NXPE2: variants seen among roughly 807,000 people sequenced by gnomAD.
The protein encoded by NXPE2 is NXPE family member 2.
In NXPE2, 34 loss-of-function variants were observed where a neutral mutation model predicts 34.4. The observed-to-expected ratio is 0.99, with a 90% confidence interval of 0.75 to 1.31. The LOEUF (loss-of-function observed/expected upper bound fraction) is 1.31. Ranked by LOEUF, NXPE2 falls within the 40% of genes most tolerant of loss-of-function variation. The probability of loss-of-function intolerance (pLI) is 0.00; values close to 1 mark genes in which losing one functional copy is unlikely to be tolerated. For missense variants in NXPE2, 649 were observed against 672.5 expected (o/e 0.97, Z 0.39); for synonymous variants, 235 against 231.3 (o/e 1.02, Z -0.15).
the NXPE2 span, among the ~76,000 whole-genome samples, chr11:114,786,858 A>G: frequency 4.6e-5 from 7 of 152,104 alleles, no homozygotes; most frequent in African/African-American, 1.7e-4. Context: ...ACAGTACCGT[A>G]CAGTGGTGCA....
chr11:114,691,730 G>A (rs1032915566), intron 2 of NXPE2, among the ~76,000 whole-genome samples: 7 of 152,194 alleles, frequency 4.6e-5, no homozygotes, highest in African/African-American at 1.4e-4. Flanking sequence ...AGTAGTTGGT[G>A]CCATGCTTGC....
the NXPE2 span, among the ~76,000 whole-genome samples, chr11:114,618,009 C>T: frequency 3.3e-5 from 5 of 151,866 alleles, no homozygotes; most frequent in African/African-American, 1.2e-4. Flanking sequence ...ACCAGTGTTA[C>T]CCGCTGGATA....
chr11:114,633,188 TTTA>T, the NXPE2 span, among the ~76,000 whole-genome samples: 8 of 129,592 alleles, frequency 6.2e-5, no homozygotes, highest in East Asian at 6.6e-4. Context: ...ATGATTATAT[TTTA>T]TTATGTATAA....
At chr11:114,551,129 A>G in the NXPE2 span, 1 of 1,531,096 alleles carries the variant, frequency 6.5e-7, no homozygotes, top group South Asian at 1.2e-5. Flanking sequence ...GAAATTATAA[A>G]AATCATCCAG....
the NXPE2 span, among the ~76,000 whole-genome samples, chr11:114,640,205 T>C: frequency 1.5e-5 from 2 of 137,838 alleles, no homozygotes; most frequent in African/African-American, 5.3e-5. Flanking sequence ...ATATATATTA[T>C]ATTTTAAAAT....
the NXPE2 span, among the ~76,000 whole-genome samples, chr11:114,490,917 C>T: frequency 6.6e-6 from 1 of 151,288 alleles, no homozygotes; most frequent in African/African-American, 2.4e-5. Context: ...AATCCCAGCA[C>T]TTTGGGAGGC....
chr11:114,521,766 T>C, the NXPE2 span: 1 of 502,544 alleles, frequency 2.0e-6, no homozygotes, highest in Middle Eastern at 5.1e-4. Context: ...GAACCAGGCA[T>C]GGTATAGTCA....
At chr11:114,717,264 A>G in the NXPE2 span, among the ~76,000 whole-genome samples, 3 of 152,146 alleles carry the variant, frequency 2.0e-5, no homozygotes, top group African/African-American at 7.2e-5. Flanking sequence ...GTGCAGATGA[A>G]CAGTGGTGTG....
chr11:114,799,849 C>T, the NXPE2 span, among the ~76,000 whole-genome samples: 1 of 151,542 alleles, frequency 6.6e-6, no homozygotes. Flanking sequence ...AACAGTTCCC[C>T]TCCCTCCCTT....
At chr11:114,731,510 G>T in the NXPE2 span, among the ~76,000 whole-genome samples, 8 of 152,224 alleles carry the variant, frequency 5.3e-5, no homozygotes, top group African/African-American at 1.9e-4. Flanking sequence ...AACAGTTCAT[G>T]GTACATCCAT....
At chr11:114,808,005 A>G in the NXPE2 span, among the ~76,000 whole-genome samples, 2 of 152,258 alleles carry the variant, frequency 1.3e-5, no homozygotes, top group Admixed American at 6.5e-5. Flanking sequence ...CTCAGACCAC[A>G]GTGCAATCAA....
At chr11:114,793,931 C>T in the NXPE2 span, among the ~76,000 whole-genome samples, 5 of 152,122 alleles carry the variant, frequency 3.3e-5, no homozygotes, top group South Asian at 2.1e-4. Flanking sequence ...CAATCAGAAT[C>T]GGTTTCTTTG....
At chr11:114,773,279 A>ACCCCCCCCCCC in the NXPE2 span, among the ~76,000 whole-genome samples, 23 of 69,338 alleles carry the variant, frequency 3.3e-4, no homozygotes, top group South Asian at 7.8e-4. Flanking sequence ...ACCCACTCCC[A>ACCCCCCCCCCC]CCCCCCCCCC....
chr11:114,776,471 G>A, the NXPE2 span, among the ~76,000 whole-genome samples: 12 of 152,330 alleles, frequency 7.9e-5, no homozygotes, highest in African/African-American at 2.4e-4. Context: ...CCTCTGGCTC[G>A]AGGCAGTGCT....
At chr11:114,761,070 C>T in the NXPE2 span, among the ~76,000 whole-genome samples, 1 of 152,184 alleles carries the variant, frequency 6.6e-6, no homozygotes, top group Non-Finnish European at 1.5e-5. Flanking sequence ...TCCTACGGTG[C>T]ATTGTCTTTG....
rs778148320 is a variant in NXPE2 at position 114,698,278 on chromosome 11, G to A, written c.366G>A (p.Thr122=). The A allele has an allele frequency of 1.4e-5, 22 of 1,613,290 alleles. No individual in the cohort carries two copies. The highest frequency in any genetic ancestry group is 6.7e-5 in the East Asian group (3 of 44,890). Residue 122 remains threonine, a synonymous_variant, in exon 3 of 6, where the codon ACG becomes ACA. Coordinates refer to ENST00000389586, the MANE Select transcript of NXPE2 (RefSeq NM_182495.6). ...STATILNPQD[T]YCRGDQLDIL... ...CCACCATCCTCAACCCTCAAGATACGTACTGCAGGGGGGATCAGCTGGACA... is the reference window on the plus strand; with the variant it reads ...CCACCATCCTCAACCCTCAAGATACATACTGCAGGGGGGATCAGCTGGACA...
the NXPE2 span, among the ~76,000 whole-genome samples, chr11:114,766,970 C>T: frequency 6.6e-6 from 1 of 151,416 alleles, no homozygotes; most frequent in Non-Finnish European, 1.5e-5. Context: ...AAGAATTACA[C>T]CTTGAAATTT....
chr11:114,545,517 G>T, the NXPE2 span, among the ~76,000 whole-genome samples: 1 of 152,132 alleles, frequency 6.6e-6, no homozygotes, highest in South Asian at 2.1e-4. Context: ...GAAAAAGGTG[G>T]TTCTATAGAG....
At chr11:114,799,305 A>G in the NXPE2 span, among the ~76,000 whole-genome samples, 1 of 150,782 alleles carries the variant, frequency 6.6e-6, no homozygotes, top group East Asian at 1.9e-4. Context: ...AAAAAAAAAA[A>G]AAAAAAAAAA....
Sources: allele counts gnomAD v4.1 joint callset (sites outside exome capture counted in the v4.1 genomes callset), GRCh38; gene constraint gnomAD v4.1.1; transcripts MANE v1.5; gene names NCBI Gene and HGNC (gene_info 2026-07-23, HGNC 2026-07-21).